Variants in CCDC18 observed in about 807,000 individuals in gnomAD.
CCDC18 encodes the protein coiled-coil domain-containing protein 18.
In CCDC18, 157 loss-of-function variants were observed where a neutral mutation model predicts 196.0. The observed-to-expected ratio is 0.80, with a 90% CI of 0.70 to 0.91. CCDC18 has a LOEUF of 0.91. Among genes scored for constraint, CCDC18 ranks in the 40% least tolerant of loss-of-function variants. The pLI is 0.00. For missense variants in CCDC18, 1,465 were observed against 1,611.6 expected (o/e 0.91, Z 1.56); for synonymous variants, 482 against 529.2 (o/e 0.91, Z 1.22).
At chr1:93,237,571 C>A (rs915613229) in intron 19 of CCDC18, among the ~76,000 whole-genome samples, 1 of 152,174 alleles carries the variant, frequency 6.6e-6, no homozygotes, top group Non-Finnish European at 1.5e-5. Context: ...GACATTGCTT[C>A]TTCCCCTGTA....
At chr1:93,207,979 T>A (rs1317639458) in intron 9 of CCDC18, among the ~76,000 whole-genome samples, 1 of 152,194 alleles carries the variant, frequency 6.6e-6, no homozygotes, top group Non-Finnish European at 1.5e-5. Context: ...TAAATAGTAT[T>A]TCATTATATA....
intron 1 of CCDC18, 36 bp downstream of exon 1, chr1:93,180,888 C>T (rs751364370): frequency 1.5e-6 from 2 of 1,364,414 alleles, no homozygotes; most frequent in Non-Finnish European, 2.0e-6. Context: ...GGGTGGTGAG[C>T]GACTGCGCCT....
At chr1:93,253,249 A>C (rs1207069770) in intron 23 of CCDC18, among the ~76,000 whole-genome samples, 2 of 152,020 alleles carry the variant, frequency 1.3e-5, no homozygotes. Context: ...TGGAGGCTGG[A>C]GAACCTATCT....
chr1:93,203,551 C>T (rs908109830), intron 7 of CCDC18, among the ~76,000 whole-genome samples: 2 of 151,886 alleles, frequency 1.3e-5, no homozygotes, highest in African/African-American at 2.4e-5. Context: ...TGAAAGATAT[C>T]GAGAAGTGAT....
At chr1:93,216,936 T>C (rs1476539077) in intron 13 of CCDC18, among the ~76,000 whole-genome samples, 190 bp downstream of exon 13, 1 of 43,262 alleles carries the variant, frequency 2.3e-5, no homozygotes, top group Admixed American at 2.2e-4. Flanking sequence ...AAGTTTTCTC[T>C]TTTTTTTTTT....
chr1:93,232,469 T>C lies in CCDC18; in HGVS notation c.2336T>C (p.Leu779Pro). The C allele has an allele frequency of 1.2e-6, 2 of 1,611,284 alleles. No individual in the cohort carries two copies. Among genetic ancestry groups the C allele is most frequent in the Non-Finnish European group, 1.7e-6 (2 of 1,177,922 alleles). The stretch of plus-strand genomic sequence containing the variant: ...GAGCTAAAGATAAAAAATCACAGTC[T>C]TCAAGAGACTTCTGAGCAAAACGTT... ...QKELKIKNHS[L>P]QETSEQNVIL... is the part of the protein sequence containing the mutation. The change falls in exon 18 of 29, where the codon CTT (leucine) becomes CCT (proline). Residue 779 changes from leucine to proline, a missense_variant. Coordinates refer to ENST00000690025, the MANE Select transcript of CCDC18 (RefSeq NM_001378204.1).
At position 93,270,683 on chromosome 1, in the gene CCDC18, AC is replaced by A. The variant is rs1174497120; in HGVS notation, c.4223del (p.Thr1408AsnfsTer4). 6.5e-7 allele frequency: 1 copy of A among 1,549,188 alleles called. No homozygotes were observed. Among genetic ancestry groups the A allele is most frequent in the South Asian group, 1.2e-5 (1 of 84,044 alleles). On this transcript the variant is annotated frameshift_variant, in exon 28 of 29. Coordinates refer to ENST00000690025, the MANE Select transcript of CCDC18 (RefSeq NM_001378204.1). LOFTEE classifies it high-confidence loss of function. ...YTQPDSFKPL[T>X]YNLEADSSEN... Reference sequence around the variant, plus strand: ...CCAGCCAGACTCATTTAAACCTCTCACATATAACCTAGAAGCTGATAGTTCT... The same window carrying A: ...CCAGCCAGACTCATTTAAACCTCTCAATATAACCTAGAAGCTGATAGTTCT...
intron 17 of CCDC18, among the ~76,000 whole-genome samples, chr1:93,229,048 C>T (rs1283830973): frequency 1.3e-5 from 2 of 152,048 alleles, no homozygotes; most frequent in Non-Finnish European, 2.9e-5. Context: ...TCAGCCTTCC[C>T]AGCAGCTGGG....
At chr1:93,215,387 G>A (rs552798009) in intron 12 of CCDC18, among the ~76,000 whole-genome samples, 1 of 151,816 alleles carries the variant, frequency 6.6e-6, no homozygotes, top group East Asian at 1.9e-4. Flanking sequence ...CATATTTCTG[G>A]GTCCTGTTCC....
intron 7 of CCDC18, among the ~76,000 whole-genome samples, chr1:93,204,382 T>G (rs1028565750): frequency 1.3e-5 from 2 of 152,170 alleles, no homozygotes; most frequent in Non-Finnish European, 2.9e-5. Context: ...GTGATTTTCA[T>G]AGCGTAAGGA....
intron 21 of CCDC18, 45 bp from the exon 22 acceptor site, chr1:93,246,060 C>A: frequency 7.5e-7 from 1 of 1,336,118 alleles, no homozygotes; most frequent in Middle Eastern, 1.9e-4. Context: ...TAAAATTATA[C>A]TCTTCTACTA....
At chr1:93,192,298 G>C (rs911175520) in intron 5 of CCDC18, among the ~76,000 whole-genome samples, 192 bp downstream of exon 5, 2 of 152,072 alleles carry the variant, frequency 1.3e-5, no homozygotes, top group Non-Finnish European at 2.9e-5. Flanking sequence ...TAGTATATAG[G>C]GGCTAAAAAG....
intron 7 of CCDC18, among the ~76,000 whole-genome samples, chr1:93,202,546 G>A (rs1030818588): frequency 3.9e-5 from 6 of 152,158 alleles, no homozygotes; most frequent in Admixed American, 3.9e-4. Flanking sequence ...TCAAAAGAGA[G>A]GTCTGGTAAA....
In CCDC18 at chr1:93,226,467, TTATATATAGCA is replaced by T. The variant is rs773565757; in HGVS notation, c.2292+24_2292+34del. 6 of 1,069,578 alleles carry T rather than the reference TTATATATAGCA, an allele frequency of 5.6e-6. No homozygotes were observed. Among genetic ancestry groups the T allele is most frequent in the Non-Finnish European group, 8.7e-6 (6 of 690,726 alleles). 66.3% of individuals were successfully genotyped at this position (1,069,578 alleles called of 1,614,324 possible). On this transcript the variant is annotated intron_variant, in intron 17 of 28. Transcript: ENST00000690025. ...CTGAAGAGGTAAATTAACATTTACTTTATATATAGCATATATTTCAAGTGATTTTTTTTAAG... is the reference window on the plus strand; with the variant it reads ...CTGAAGAGGTAAATTAACATTTACTTTATATTTCAAGTGATTTTTTTTAAG...
upstream of CCDC18, chr1:93,180,588 C>A (rs1489354536): frequency 1.4e-6 from 2 of 1,387,140 alleles, no homozygotes; most frequent in Non-Finnish European, 1.9e-6. Context: ...TAGTCCCGGG[C>A]GGGCTCCGCT....
chr1:93,191,926 C>G, intron 4 of CCDC18, 74 bp from the exon 5 acceptor site: 1 of 1,000,958 alleles, frequency 1.0e-6, no homozygotes, highest in East Asian at 2.4e-5. Context: ...CCTCATCTGA[C>G]AGGAAAAAAA....
At chr1:93,240,234 T>C (rs1660595142) in intron 21 of CCDC18, among the ~76,000 whole-genome samples, 1 of 152,222 alleles carries the variant, frequency 6.6e-6, no homozygotes, top group Non-Finnish European at 1.5e-5. Context: ...CGCCAGGGAC[T>C]TCACATATGA....
chr1:93,245,765 T>C (rs1661420312), intron 21 of CCDC18, among the ~76,000 whole-genome samples: 1 of 152,144 alleles, frequency 6.6e-6, no homozygotes, highest in African/African-American at 2.4e-5. Flanking sequence ...AACACTCCTT[T>C]GATCTGTGTA....
chr1:93,217,908 A>C (rs1366755584), intron 14 of CCDC18, 39 bp downstream of exon 14: 2 of 1,521,346 alleles, frequency 1.3e-6, no homozygotes, highest in Non-Finnish European at 1.8e-6. Context: ...GCTGAAAAGA[A>C]ACTTAAACAT....
Sources: gnomAD v4.1 joint callset for allele counts (sites outside exome capture counted in the v4.1 genomes callset) on GRCh38, gnomAD v4.1.1 for gene constraint, MANE v1.5 for transcripts, NCBI Gene and HGNC (gene_info 2026-07-23, HGNC 2026-07-21) for gene names.